Variants in COG5 observed in about 807,000 individuals in gnomAD.
The protein encoded by COG5 is component of oligomeric golgi complex 5, also known as conserved oligomeric Golgi complex subunit 5.
A neutral mutation model predicts 110.4 loss-of-function variants in COG5; 86 were observed. The ratio of observed to expected loss-of-function variants is 0.78; its 90% CI spans 0.65 to 0.93. COG5 has a LOEUF of 0.93. COG5 is among the 40% of genes least tolerant of loss of function. The pLI is 0.00. For synonymous variants in COG5, 360 were observed against 334.6 expected, an observed-to-expected ratio of 1.08 and a Z score of -0.83; for missense variants, 1,077 against 987.0, an observed-to-expected ratio of 1.09 and a Z score of -1.22.
At chr7:107,223,203 A>G (rs967512490) in intron 19 of COG5, among the ~76,000 whole-genome samples, 5 of 152,194 alleles carry the variant, frequency 3.3e-5, no homozygotes, top group African/African-American at 1.2e-4. Context: ...GAGAAGGAAC[A>G]TGATTCCCTT....
chr7:107,235,320 A>G (rs1024802199), intron 18 of COG5, among the ~76,000 whole-genome samples: 2 of 152,230 alleles, frequency 1.3e-5, no homozygotes, highest in African/African-American at 4.8e-5. Flanking sequence ...ATTTATCTTT[A>G]TAAGTGGGGA....
chr7:107,545,779 C>CAAAA (rs59515448), intron 5 of COG5, among the ~76,000 whole-genome samples: 643 of 68,226 alleles, frequency 9.4e-3, no homozygotes, highest in African/African-American at 0.01. Flanking sequence ...GACTCCATCT[C>CAAAA]AAAAAAAAAA....
intron 6 of COG5, among the ~76,000 whole-genome samples, chr7:107,467,738 G>A (rs1315957846): frequency 1.3e-5 from 2 of 152,160 alleles, no homozygotes; most frequent in Non-Finnish European, 2.9e-5. Flanking sequence ...AACAGGGGAA[G>A]TTGGAATTAC....
intron 6 of COG5, among the ~76,000 whole-genome samples, chr7:107,433,684 C>A (rs2129081465): frequency 6.6e-6 from 1 of 152,168 alleles, no homozygotes; most frequent in African/African-American, 2.4e-5. Flanking sequence ...CAAAATGGAT[C>A]AAAGACCTAA....
At position 107,236,528 on chromosome 7, in the gene COG5, T is replaced by C. The variant is rs768190748; in HGVS notation, c.2013A>G (p.Glu671=). The C allele has an allele frequency of 8.7e-6, 14 of 1,614,166 alleles. No homozygotes were observed. The South Asian group carries it at 1.5e-4, about 18-fold the overall frequency. The part of the protein sequence containing the change: ...NTEAIAQRAV[E]LFIRHASLIR... ...TGAGACTGGCATGGCGGATAAAAAG[T>C]TCAACAGCTCTTTGGGCAATAGCCT... is the stretch of plus-strand genomic sequence containing the variant. Residue 671 remains glutamate (E), a synonymous_variant, in exon 18 of 22, where the codon GAA becomes GAG. Coordinates refer to ENST00000297135, the MANE Select transcript of COG5 (RefSeq NM_006348.5).
At chr7:107,254,072 T>C (rs1802709690) in intron 16 of COG5, among the ~76,000 whole-genome samples, 2 of 152,050 alleles carry the variant, frequency 1.3e-5, no homozygotes, top group Non-Finnish European at 2.9e-5. Flanking sequence ...ATACCTGGCA[T>C]GTGACAGACA....
chr7:107,563,563 G>A (rs573341974), intron 1 of COG5: 1 of 484,956 alleles, frequency 2.1e-6, no homozygotes, highest in South Asian at 2.2e-5. Flanking sequence ...GGGGGGTCGA[G>A]TTGAAATGAG....
intron 12 of COG5, among the ~76,000 whole-genome samples, chr7:107,297,610 A>G (rs1387914104): frequency 2.0e-5 from 3 of 151,740 alleles, no homozygotes; most frequent in Non-Finnish European, 4.4e-5. Context: ...CACCATGCCC[A>G]GCTAATCTTT....
intron 5 of COG5, among the ~76,000 whole-genome samples, chr7:107,534,010 C>T (rs768932119): frequency 1.1e-4 from 17 of 151,522 alleles, no homozygotes; most frequent in South Asian, 4.1e-4. Flanking sequence ...GCAGCCAATA[C>T]TTAACATTCT....
intron 6 of COG5, chr7:107,473,985 G>T (rs1393931815): frequency 2.8e-6 from 2 of 712,018 alleles, no homozygotes; most frequent in Non-Finnish European, 2.4e-6. Context: ...CACGTTATAC[G>T]TCATTTAAAT....
intron 15 of COG5, among the ~76,000 whole-genome samples, chr7:107,257,202 C>T (rs1055490401): frequency 6.6e-5 from 10 of 151,986 alleles, no homozygotes; most frequent in African/African-American, 2.2e-4. Flanking sequence ...CAAATCAATA[C>T]AAACATCATG....
At position 107,412,488 on chromosome 7, in the gene COG5, CTTATTT is replaced by C; in HGVS notation, c.669+8_669+13del. Reference sequence around the variant, plus strand: ...CACATTTTTTACATTAAAAAACAGTCTTATTTTTATTACCTGAGTCTCCAAACCCTG... The same window carrying C: ...CACATTTTTTACATTAAAAAACAGTCTTATTACCTGAGTCTCCAAACCCTG... On this transcript the variant is annotated splice_region_variant and intron_variant, in intron 7 of 21. Transcript: ENST00000297135. 1 of 1,610,962 alleles carries C rather than the reference CTTATTT, an allele frequency of 6.2e-7. No homozygotes were observed.
chr7:107,319,720 C>T (rs954470077), intron 11 of COG5, among the ~76,000 whole-genome samples: 1 of 151,986 alleles, frequency 6.6e-6, no homozygotes. Context: ...TCAAAATTTA[C>T]GTGATTTAGG....
At chr7:107,359,907 G>A (rs1186626031) in intron 10 of COG5, among the ~76,000 whole-genome samples, 1 of 152,044 alleles carries the variant, frequency 6.6e-6, no homozygotes, top group Non-Finnish European at 1.5e-5. Context: ...CATACATCAA[G>A]GTGACCTGCC....
chr7:107,254,344 C>A (rs567651089), intron 16 of COG5, among the ~76,000 whole-genome samples: 2 of 152,148 alleles, frequency 1.3e-5, no homozygotes, highest in African/African-American at 4.8e-5. Context: ...AAATTTCCAA[C>A]AATTTTATGA....
At chr7:107,249,077 CT>C (rs1802280079) in intron 16 of COG5, among the ~76,000 whole-genome samples, 1 of 152,102 alleles carries the variant, frequency 6.6e-6, no homozygotes, top group Admixed American at 6.6e-5. Context: ...TTTTTCTGCT[CT>C]TTCCCCTGCT....
At chr7:107,417,930 T>A (rs896066724) in intron 6 of COG5, among the ~76,000 whole-genome samples, 5 of 152,182 alleles carry the variant, frequency 3.3e-5, no homozygotes, top group African/African-American at 1.2e-4. Flanking sequence ...ATTTTGTATT[T>A]TCCCAGTCTA....
intron 6 of COG5, chr7:107,475,283 C>G (rs777260511): frequency 6.3e-7 from 1 of 1,594,262 alleles, no homozygotes; most frequent in Non-Finnish European, 8.5e-7. Flanking sequence ...TGGATAGATC[C>G]TAAAAGAAAC....
intron 17 of COG5, among the ~76,000 whole-genome samples, chr7:107,246,823 G>A (rs1204675577): frequency 2.0e-5 from 3 of 152,146 alleles, no homozygotes; most frequent in Admixed American, 1.3e-4. Flanking sequence ...ATTCCTCAAA[G>A]GGCTAAAAGC....
Sources: allele counts gnomAD v4.1 joint callset (sites outside exome capture counted in the v4.1 genomes callset), GRCh38; gene constraint gnomAD v4.1.1; transcripts MANE v1.5; gene names NCBI Gene and HGNC (gene_info 2026-07-23, HGNC 2026-07-21).